Variants in BACH2 observed in about 807,000 individuals in gnomAD.
BACH2 encodes the protein BACH transcriptional regulator 2.
BACH2 carries 5 observed loss-of-function variants against 61.8 expected under a neutral mutation model. The ratio of observed to expected loss-of-function variants is 0.08; its 90% CI spans 0.04 to 0.17. The LOEUF is 0.17. BACH2 is among the 10% of genes least tolerant of loss of function. The probability of loss-of-function intolerance (pLI) is 1.00; values close to 1 mark genes in which losing one functional copy is unlikely to be tolerated. For synonymous variants in BACH2, 446 were observed against 440.1 expected (o/e 1.01, Z -0.17); for missense variants, 824 against 1,091.1 (o/e 0.76, Z 3.45).
intron 5 of BACH2, chr6:90,080,747 G>C (rs1781689217): frequency 2.0e-6 from 2 of 984,912 alleles, no homozygotes; most frequent in Non-Finnish European, 2.4e-6. Context: ...CCTGAGAAAG[G>C]CATCTTTACC....
intron 6 of BACH2, among the ~76,000 whole-genome samples, chr6:89,995,584 G>A (rs1776801410): frequency 6.6e-6 from 1 of 152,140 alleles, no homozygotes; most frequent in African/African-American, 2.4e-5. Flanking sequence ...TGTGTGTGAT[G>A]TTACTTTGTT....
At chr6:89,932,978 T>C (rs1772766849) in intron 8 of BACH2, 88 bp from the exon 9 acceptor site, 2 of 1,382,046 alleles carry the variant, frequency 1.4e-6, no homozygotes, top group African/African-American at 2.9e-5. Flanking sequence ...GCCTTTGTTT[T>C]GCATCCTCCA....
At chr6:90,015,542 C>T (rs1582201292) in intron 5 of BACH2, among the ~76,000 whole-genome samples, 2 of 152,122 alleles carry the variant, frequency 1.3e-5, no homozygotes, top group African/African-American at 4.8e-5. Flanking sequence ...GATTTACACA[C>T]GTGTTTTTTG....
intron 5 of BACH2, among the ~76,000 whole-genome samples, chr6:90,086,009 G>A (rs982258112): frequency 6.6e-6 from 1 of 151,862 alleles, no homozygotes; most frequent in African/African-American, 2.4e-5. Context: ...CCCATCCCCT[G>A]GCAACCACCA....
At chr6:90,138,618 A>G (rs1784361778) in intron 4 of BACH2, among the ~76,000 whole-genome samples, 1 of 152,346 alleles carries the variant, frequency 6.6e-6, no homozygotes, top group Admixed American at 6.5e-5. Context: ...AAAAATCACT[A>G]TAATAGCTTG....
At position 89,950,866 on chromosome 6, in the gene BACH2, G is replaced by A. The variant is rs1272008417; in HGVS notation, c.1240C>T (p.Pro414Ser). 2.5e-6 allele frequency: 4 copies of A among 1,611,214 alleles called. No individual in the cohort carries two copies. Among genetic ancestry groups the A allele is most frequent in the Non-Finnish European group, 3.4e-6 (4 of 1,178,376 alleles). Residue 414 changes from proline to serine, a missense_variant, in exon 7 of 9, where the codon CCT becomes TCT. By Grantham distance (74) the Pro-to-Ser change is moderately conservative. Around this residue, in one of 8 missense-constraint regions of BACH2, gnomAD observed 226 missense variants for 228.5 expected, o/e 0.99. Coordinates refer to ENST00000257749, the MANE Select transcript of BACH2 (RefSeq NM_021813.4). The surrounding 1 kb of genome is among the most constrained non-coding windows in gnomAD (Gnocchi z 5.3). ...NFTMGSPLRG[P>S]GLEALCKQEG... ...TGTTTACAGAGAGCCTCCAACCCAGGCCCCCTGAGGGGCGACCCCATGGTG... is the reference window on the plus strand; with the variant it reads ...TGTTTACAGAGAGCCTCCAACCCAGACCCCCTGAGGGGCGACCCCATGGTG...
At chr6:89,989,142 T>A (rs1053068247) in intron 6 of BACH2, among the ~76,000 whole-genome samples, 3 of 152,222 alleles carry the variant, frequency 2.0e-5, no homozygotes, top group African/African-American at 7.2e-5. Flanking sequence ...GAAGGCCCTG[T>A]ATGCTAAGAC....
At chr6:90,083,037 A>G (rs1781787601) in intron 5 of BACH2, among the ~76,000 whole-genome samples, 1 of 152,186 alleles carries the variant, frequency 6.6e-6, no homozygotes, top group Non-Finnish European at 1.5e-5. Context: ...TTTCCTCCTC[A>G]TGACGCACAG....
intron 3 of BACH2, among the ~76,000 whole-genome samples, chr6:90,222,115 AG>A (rs1162594648): frequency 3.9e-5 from 6 of 152,228 alleles, no homozygotes; most frequent in African/African-American, 1.4e-4. Context: ...GTTCATACTG[AG>A]TCTTTGAAAC....
chr6:89,987,048 C>A (rs1007377150), intron 6 of BACH2, among the ~76,000 whole-genome samples: 1 of 152,178 alleles, frequency 6.6e-6, no homozygotes, highest in South Asian at 2.1e-4. Flanking sequence ...TCACACTTAA[C>A]TTGTCTCTCT....
At chr6:90,267,240 A>C (rs1771367068) in intron 2 of BACH2, among the ~76,000 whole-genome samples, 1 of 152,164 alleles carries the variant, frequency 6.6e-6, no homozygotes, top group Non-Finnish European at 1.5e-5. Flanking sequence ...TACACAAAAG[A>C]CCTAATAAAA....
At position 90,065,270 on chromosome 6, in the gene BACH2, C is replaced by CTTTTTTTT. The variant is rs71027920; in HGVS notation, c.-13+23683_-13+23690dup. ...GCCACCCCACCCCCTGCCGCCCCCACTTTTTTTTTTTTTTTTTTTTTTTTT... is the reference window on the plus strand; with the variant it reads ...GCCACCCCACCCCCTGCCGCCCCCACTTTTTTTTTTTTTTTTTTTTTTTTTTTTTTTTT... On this transcript the variant is annotated intron_variant, in intron 5 of 8. Coordinates refer to ENST00000257749, the MANE Select transcript of BACH2 (RefSeq NM_021813.4). 4.0e-4 allele frequency among the ~76,000 whole-genome samples: 21 copies of CTTTTTTTT among 52,664 alleles called. 3 individuals are homozygous for CTTTTTTTT. The highest frequency in any genetic ancestry group is 2.8e-3 in the East Asian group (4 of 1,450). 34.5% of individuals were successfully genotyped at this position (52,664 alleles called of 152,430 possible). A position where few individuals can be genotyped will look rare whatever the true frequency, so the allele number is the denominator to read the frequency against.
intron 6 of BACH2, among the ~76,000 whole-genome samples, chr6:89,993,699 G>A (rs993582720): frequency 6.6e-6 from 1 of 152,052 alleles, no homozygotes; most frequent in Admixed American, 6.6e-5. Context: ...CACAGTAAAT[G>A]GTTCCCAGAC....
chr6:90,279,673 A>G (rs991764874), intron 1 of BACH2, among the ~76,000 whole-genome samples: 9 of 152,254 alleles, frequency 5.9e-5, no homozygotes, highest in Non-Finnish European at 1.0e-4. Flanking sequence ...ACCTGGTAAC[A>G]CACGCTTAAA....
chr6:89,962,090 G>A (rs1269227283), intron 6 of BACH2, among the ~76,000 whole-genome samples: 2 of 151,376 alleles, frequency 1.3e-5, no homozygotes, highest in South Asian at 2.1e-4. Flanking sequence ...TGCAAATTAC[G>A]ATGCAATTTC....
At chr6:90,206,116 C>A (rs1454442648) in intron 4 of BACH2, among the ~76,000 whole-genome samples, 1 of 152,152 alleles carries the variant, frequency 6.6e-6, no homozygotes, top group Non-Finnish European at 1.5e-5. Flanking sequence ...CTGGTATACG[C>A]AGTAACTCAT....
At chr6:89,934,851 C>A (rs1037651978) in intron 8 of BACH2, among the ~76,000 whole-genome samples, 3 of 151,938 alleles carry the variant, frequency 2.0e-5, no homozygotes, top group Non-Finnish European at 4.4e-5. Flanking sequence ...AGCAGGCATG[C>A]GACACGCACA....
At chr6:90,194,226 T>A (rs1768674376) in intron 4 of BACH2, among the ~76,000 whole-genome samples, 1 of 152,204 alleles carries the variant, frequency 6.6e-6, no homozygotes, top group Non-Finnish European at 1.5e-5. Flanking sequence ...AGTCACTAGG[T>A]ACAGAATACC....
intron 3 of BACH2, among the ~76,000 whole-genome samples, chr6:90,229,430 A>G (rs980990075): frequency 2.0e-5 from 3 of 151,772 alleles, no homozygotes; most frequent in Admixed American, 6.6e-5. Context: ...ACTGCACTCC[A>G]ACCTGGGCTA....
Sources: allele counts gnomAD v4.1 joint callset (sites outside exome capture counted in the v4.1 genomes callset), GRCh38; gene constraint gnomAD v4.1.1; regional missense constraint gnomAD v4.1.1; non-coding constraint Gnocchi (gnomAD v3.1); transcripts MANE v1.5; gene names NCBI Gene and HGNC (gene_info 2026-07-23, HGNC 2026-07-21).